The following ATP2C2 variants were observed in gnomAD, a reference collection of about 807,000 sequenced individuals.
The protein encoded by ATP2C2 is calcium-transporting ATPase type 2C member 2.
In ATP2C2, 171 loss-of-function variants were observed where a neutral mutation model predicts 110.8. That is an observed-to-expected ratio of 1.54 (90% CI 1.36 to 1.75). The LOEUF is 1.75. ATP2C2 is among the 40% of genes most tolerant of loss of function. The probability of loss-of-function intolerance (pLI) is 0.00; values close to 1 mark genes in which losing one functional copy is unlikely to be tolerated. For synonymous variants in ATP2C2, 804 were observed against 508.4 expected, an observed-to-expected ratio of 1.58 and a Z score of -7.82; for missense variants, 1,963 against 1,235.0, an observed-to-expected ratio of 1.59 and a Z score of -8.84.
At chr16:84,388,912 C>T (rs1284814777) in intron 1 of ATP2C2, among the ~76,000 whole-genome samples, 2 of 152,142 alleles carry the variant, frequency 1.3e-5, no homozygotes, top group Non-Finnish European at 2.9e-5. Flanking sequence ...GCTGGGGCTA[C>T]AGGTGGGCGC....
intron 11 of ATP2C2, among the ~76,000 whole-genome samples, chr16:84,427,600 C>T (rs534490217): frequency 6.6e-6 from 1 of 152,048 alleles, no homozygotes; most frequent in Admixed American, 6.6e-5. Flanking sequence ...ACCTAAAATC[C>T]CAGCTACTCG....
At chr16:84,410,210 A>T (rs1160831566) in intron 4 of ATP2C2, among the ~76,000 whole-genome samples, 1 of 152,126 alleles carries the variant, frequency 6.6e-6, no homozygotes, top group East Asian at 1.9e-4. Context: ...TCCATTTCAG[A>T]AGAAAAAAGG....
In ATP2C2 at chr16:84,460,746, TC is replaced by T. The variant is rs1316768144; in HGVS notation, c.2428del (p.Leu810SerfsTer32). 1 of 1,614,102 alleles carries T rather than the reference TC, an allele frequency of 6.2e-7. No homozygotes were observed. The highest frequency in any genetic ancestry group is 2.2e-5 in the East Asian group (1 of 44,876). ...TILSRALILK[I>X]LMSAAIIISG... ...CTCAGCAGAGCCCTCATCCTGAAGATCCTCATGTCCGCGGCCATCATCATCA... is the reference window on the plus strand; with the variant it reads ...CTCAGCAGAGCCCTCATCCTGAAGATCTCATGTCCGCGGCCATCATCATCA... On this transcript the variant is annotated frameshift_variant, in exon 24 of 27. Coordinates refer to ENST00000262429, the MANE Select transcript of ATP2C2 (RefSeq NM_014861.4). LOFTEE classifies it high-confidence loss of function.
Position 84,460,681 on chromosome 16 carries a change from C to T in ATP2C2, c.2361C>T (p.Asp787=), listed in dbSNP as rs767058432. 3.3e-5 allele frequency: 53 copies of T among 1,614,126 alleles called. No individual in the cohort carries two copies. The highest frequency in any genetic ancestry group is 1.6e-4 in the South Asian group (15 of 91,092). Residue 787 remains aspartate, a synonymous_variant, in exon 24 of 27, where the codon GAC becomes GAT. Transcript: ENST00000262429. ...QSLGVEPVDK[D]AFRQPPRSVR... ...TGGGGGTAGAGCCCGTTGACAAAGA[C>T]GCCTTCAGGCAGCCACCACGGAGTG...
At chr16:84,445,799 A>T (rs549485082) in intron 15 of ATP2C2, among the ~76,000 whole-genome samples, 11 of 152,212 alleles carry the variant, frequency 7.2e-5, no homozygotes, top group Non-Finnish European at 1.6e-4. Context: ...CCCCTGCTGC[A>T]CCGCATTTTC....
At chr16:84,423,136 C>T (rs369118852) in intron 9 of ATP2C2, 52 bp from the exon 10 acceptor site, 9 of 1,500,954 alleles carry the variant, frequency 6.0e-6, no homozygotes, top group African/African-American at 5.5e-5. Context: ...TGAACAAAGG[C>T]AGGCAGAAGC....
Position 84,449,440 on chromosome 16 carries a change from C to T in ATP2C2, c.1660+751C>T, listed in dbSNP as rs530039079. On this transcript the variant is annotated intron_variant, in intron 17 of 26. Transcript: ENST00000262429. ...TTGCCCCCCCAAATGGTTTGTGTTG[C>T]GCTGGGTCTACAATAGGCTTACAGG... 3.0e-4 allele frequency among the ~76,000 whole-genome samples: 45 copies of T among 152,308 alleles called. No homozygotes were observed. The South Asian group carries it at 8.9e-3, about 30-fold the overall frequency.
rs1260226579 is a variant in ATP2C2, at chr16:84,460,469, G to A, written c.2334-185G>A. ...AGATGGAGGGGCACAGCTGCCCATGGACCCAGGCTCTGGGGCTTCTGGAAG... is the reference window on the plus strand; with the variant it reads ...AGATGGAGGGGCACAGCTGCCCATGAACCCAGGCTCTGGGGCTTCTGGAAG... On this transcript the variant is annotated intron_variant, in intron 23 of 26. Coordinates refer to ENST00000262429, the MANE Select transcript of ATP2C2 (RefSeq NM_014861.4). The A allele has an allele frequency of 5.0e-6, 4 of 792,492 alleles. No homozygotes were observed. The African/African-American group carries it at 6.8e-5, about 13-fold the overall frequency. The allele number at this position is 792,492 out of a possible 1,614,324, so 49.1% of individuals were successfully genotyped here. A position where few individuals can be genotyped will look rare whatever the true frequency, so the allele number is the denominator to read the frequency against.
chr16:84,368,736 C>A, intron 1 of ATP2C2, 22 bp downstream of exon 1: 1 of 1,492,018 alleles, frequency 6.7e-7, no homozygotes, highest in Non-Finnish European at 9.0e-7. Flanking sequence ...CGACTCCGCG[C>A]CGGGCGTGCG....
intron 18 of ATP2C2, 129 bp from the exon 19 acceptor site, chr16:84,453,008 TG>T: frequency 1.1e-6 from 1 of 876,916 alleles, no homozygotes; most frequent in Non-Finnish European, 1.8e-6. Flanking sequence ...CCGTGCAGCA[TG>T]GTAGGTCCTC....
intron 1 of ATP2C2, among the ~76,000 whole-genome samples, chr16:84,396,569 A>C (rs1904995285): frequency 6.8e-6 from 1 of 147,566 alleles, no homozygotes; most frequent in Non-Finnish European, 1.5e-5. Context: ...AAAAAAAAAA[A>C]AAAGGAAAAG....
At chr16:84,383,571 G>A (rs1910711604) in intron 1 of ATP2C2, among the ~76,000 whole-genome samples, 1 of 152,300 alleles carries the variant, frequency 6.6e-6, no homozygotes, top group South Asian at 2.1e-4. Flanking sequence ...CAAATGGACA[G>A]AAAAGTTGTA....
intron 7 of ATP2C2, among the ~76,000 whole-genome samples, chr16:84,421,821 G>A (rs754711144): frequency 6.6e-6 from 1 of 152,156 alleles, no homozygotes; most frequent in African/African-American, 2.4e-5. Flanking sequence ...TCTTCCATTG[G>A]GGGTGGTGAG....
chr16:84,390,174 A>T (rs1444045806), intron 1 of ATP2C2, among the ~76,000 whole-genome samples: 1 of 152,236 alleles, frequency 6.6e-6, no homozygotes, highest in African/African-American at 2.4e-5. Flanking sequence ...AACAGGGAAG[A>T]TCATTAGGGT....
chr16:84,388,679 T>G (rs1167245045), intron 1 of ATP2C2, among the ~76,000 whole-genome samples: 3 of 152,266 alleles, frequency 2.0e-5, no homozygotes, highest in Non-Finnish European at 4.4e-5. Flanking sequence ...TTTGTTCTTG[T>G]GTCATTCTGA....
At chr16:84,376,912 G>A (rs1181052363) in intron 1 of ATP2C2, among the ~76,000 whole-genome samples, 4 of 152,212 alleles carry the variant, frequency 2.6e-5, no homozygotes, top group South Asian at 2.1e-4. Context: ...GGTTCTTGTC[G>A]GAGAGGAAAC....
chr16:84,423,479 A>G (rs1907539881), intron 10 of ATP2C2, among the ~76,000 whole-genome samples: 1 of 152,238 alleles, frequency 6.6e-6, no homozygotes, highest in Non-Finnish European at 1.5e-5. Context: ...TTGGCTTAAC[A>G]GAGTAAACGC....
chr16:84,439,103 C>T, intron 11 of ATP2C2, 63 bp from the exon 12 acceptor site: 13 of 1,594,578 alleles, frequency 8.2e-6, no homozygotes, highest in Non-Finnish European at 1.1e-5. Context: ...ATTGCCAGCC[C>T]CAGCTGAGAG....
rs116451467 is a variant in ATP2C2, at chr16:84,381,754, C to T, written c.99+13040C>T. Among the ~76,000 whole-genome samples the T allele has an allele frequency of 1.3e-3, 196 of 152,166 alleles. 2 individuals are homozygous for T. Among genetic ancestry groups the T allele is most frequent in the African/African-American group, 4.3e-3 (178 of 41,508 alleles). ...CATTCGTATTTAACCCGTTTCCTGCCGACAGTTAGTTGGTTTCCTTTTTTG... is the reference window on the plus strand; with the variant it reads ...CATTCGTATTTAACCCGTTTCCTGCTGACAGTTAGTTGGTTTCCTTTTTTG... On this transcript the variant is annotated intron_variant, in intron 1 of 26. Coordinates refer to ENST00000262429, the MANE Select transcript of ATP2C2 (RefSeq NM_014861.4).
Sources: allele counts gnomAD v4.1 joint callset (sites outside exome capture counted in the v4.1 genomes callset), GRCh38; gene constraint gnomAD v4.1.1; transcripts MANE v1.5; gene names NCBI Gene and HGNC (gene_info 2026-07-23, HGNC 2026-07-21).